ANKHD1: variants seen among roughly 807,000 people sequenced by gnomAD.
ANKHD1 encodes the protein ankyrin repeat and KH domain containing 1, also known as ankyrin repeat and KH domain-containing protein 1.
In ANKHD1, 31 loss-of-function variants were observed where a neutral mutation model predicts 230.5. The observed-to-expected ratio is 0.13, with a 90% CI of 0.10 to 0.18. ANKHD1 has a LOEUF of 0.18. Ranked by LOEUF, ANKHD1 falls within the 10% of genes least tolerant of loss-of-function variation. The probability of loss-of-function intolerance (pLI) is 1.00; values close to 1 mark genes in which losing one functional copy is unlikely to be tolerated. For synonymous variants in ANKHD1, 1,074 were observed against 1,117.6 expected, an observed-to-expected ratio of 0.96 and a Z score of 0.78; for missense variants, 2,256 against 3,071.3, an observed-to-expected ratio of 0.73 and a Z score of 6.27.
At chr5:140,494,091 T>C (rs1286422009) in intron 14 of ANKHD1, among the ~76,000 whole-genome samples, 1 of 152,220 alleles carries the variant, frequency 6.6e-6, no homozygotes, top group Non-Finnish European at 1.5e-5. Flanking sequence ...GTAGAACTTC[T>C]AAATGTACTC....
In ANKHD1 at chr5:140,496,577, C is replaced by G; in HGVS notation, c.2303C>G (p.Ser768Cys). The change falls in exon 15 of 34, where the codon TCT (serine) becomes TGT (cysteine). Residue 768 changes from serine (S) to cysteine (C), a missense_variant. Physicochemically the swap from Ser to Cys is moderately radical, Grantham distance 112. Around this residue, in one of 13 missense-constraint regions of ANKHD1, gnomAD observed 358 missense variants for 397.7 expected, o/e 0.90. Coordinates refer to ENST00000360839, the MANE Select transcript of ANKHD1 (RefSeq NM_017747.3). ...GTAGCAGATCAGGACCTACTGCCAT[C>G]TTTTCACCCATACCAGCCTTTGGAG... is the stretch of plus-strand genomic sequence containing the variant. ...LQVADQDLLP[S>C]FHPYQPLECI... is the part of the protein sequence containing the mutation. The G allele has an allele frequency of 6.3e-7, 1 of 1,597,054 alleles. No individual in the cohort carries two copies. Among genetic ancestry groups the G allele is most frequent in the Non-Finnish European group, 8.5e-7 (1 of 1,172,248 alleles).
At chr5:140,475,120 C>T (rs1268176608) in intron 10 of ANKHD1, among the ~76,000 whole-genome samples, 1 of 152,138 alleles carries the variant, frequency 6.6e-6, no homozygotes, top group Non-Finnish European at 1.5e-5. Flanking sequence ...TGAATGAGTT[C>T]TTTTCAGCTC....
intron 1 of ANKHD1, among the ~76,000 whole-genome samples, chr5:140,404,937 T>C (rs1770296397): frequency 6.6e-6 from 1 of 150,562 alleles, no homozygotes; most frequent in South Asian, 2.1e-4. Flanking sequence ...AGTCATAAAT[T>C]TGTCTCTCTC....
At chr5:140,427,154 C>A (rs1232764725) in intron 1 of ANKHD1, among the ~76,000 whole-genome samples, 1 of 150,578 alleles carries the variant, frequency 6.6e-6, no homozygotes, top group African/African-American at 2.4e-5. Flanking sequence ...GGCTGACCCC[C>A]CCCACCTCCC....
At chr5:140,435,535 C>T (rs1014213641) in intron 1 of ANKHD1, among the ~76,000 whole-genome samples, 23 of 151,740 alleles carry the variant, frequency 1.5e-4, no homozygotes, top group Admixed American at 9.9e-4. Flanking sequence ...CACCTCACCA[C>T]GCCCGGCTAA....
chr5:140,506,075 T>TC lies in ANKHD1; in HGVS notation c.3408+208dup, dbSNP rs551960787. On this transcript the variant is annotated intron_variant, in intron 18 of 33. Transcript: ENST00000360839. This position sits in a 1 kb window ranked among gnomAD's most constrained non-coding sequence, Gnocchi z 4.7. ...ACCTTGAACTCTGGGGCTCAAGCAA[T>TC]CCTCAGCCTCCCAAGTAGCTAGGGC... 2.3e-3 allele frequency among the ~76,000 whole-genome samples: 343 copies of TC among 152,248 alleles called. No individual in the cohort carries two copies. Among genetic ancestry groups the TC allele is most frequent in the Non-Finnish European group, 4.2e-3 (286 of 68,020 alleles).
At chr5:140,432,474 G>C (rs1773121378) in intron 1 of ANKHD1, among the ~76,000 whole-genome samples, 1 of 152,150 alleles carries the variant, frequency 6.6e-6, no homozygotes, top group Admixed American at 6.5e-5. Flanking sequence ...TTCATCTACT[G>C]ATGGACATTT....
chr5:140,428,987 T>G (rs1230893120), intron 1 of ANKHD1, among the ~76,000 whole-genome samples: 1 of 151,940 alleles, frequency 6.6e-6, no homozygotes, highest in East Asian at 1.9e-4. Flanking sequence ...GGTTTCACCA[T>G]GTTGGCCAGG....
intron 1 of ANKHD1, among the ~76,000 whole-genome samples, chr5:140,414,598 G>A (rs750013696): frequency 1.3e-4 from 20 of 152,150 alleles, no homozygotes; most frequent in Non-Finnish European, 2.5e-4. Flanking sequence ...TTGGGAGGCT[G>A]AGGCAGAAAG....
intron 10 of ANKHD1, among the ~76,000 whole-genome samples, chr5:140,465,981 C>T (rs925561053): frequency 2.6e-5 from 4 of 152,112 alleles, no homozygotes; most frequent in Admixed American, 2.6e-4. Flanking sequence ...AACTTAAAAG[C>T]TTAGATAATA....
chr5:140,470,345 A>ATT (rs747520769), intron 10 of ANKHD1, among the ~76,000 whole-genome samples: 2 of 142,594 alleles, frequency 1.4e-5, no homozygotes, highest in Non-Finnish European at 1.5e-5. Context: ...AATTTTTAAA[A>ATT]TTTTTTTTTT....
Position 140,510,107 on chromosome 5 carries a change from C to G in ANKHD1, c.4030C>G (p.Leu1344Val). The G allele has an allele frequency of 6.2e-7, 1 of 1,614,054 alleles. No homozygotes were observed. The highest frequency in any genetic ancestry group is 8.5e-7 in the Non-Finnish European group (1 of 1,179,982). Residue 1344 changes from leucine (L) to valine (V), a missense_variant, in exon 22 of 34, where the codon CTA (leucine) becomes GTA (valine). Leu to Val is a conservative substitution (Grantham distance 32). Transcript: ENST00000360839. ...NGGHFDVVQL[L>V]VQAGADVDAA... ...AGGTCATTTTGATGTTGTGCAGTTG[C>G]TAGTGCAAGCAGGTGCTGATGTGGA...
chr5:140,514,803 T>G (rs1385212166), intron 24 of ANKHD1, among the ~76,000 whole-genome samples: 1 of 152,024 alleles, frequency 6.6e-6, no homozygotes, highest in Non-Finnish European at 1.5e-5. Context: ...AGACCTTGCC[T>G]CTACTAAAAG....
At chr5:140,451,852 A>G (rs527609975) in intron 7 of ANKHD1, among the ~76,000 whole-genome samples, 161 of 152,124 alleles carry the variant, frequency 1.1e-3, no homozygotes, top group African/African-American at 3.8e-3. Flanking sequence ...TTTTCTACTC[A>G]GTATTTATTT....
chr5:140,449,962 C>T (rs1774584539), intron 7 of ANKHD1, among the ~76,000 whole-genome samples: 1 of 152,034 alleles, frequency 6.6e-6, no homozygotes, highest in Non-Finnish European at 1.5e-5. Context: ...TAGAATCATA[C>T]TTTTAATATA....
chr5:140,479,971 T>TA (rs1169465367), intron 10 of ANKHD1, among the ~76,000 whole-genome samples: 3 of 149,494 alleles, frequency 2.0e-5, no homozygotes, highest in African/African-American at 7.3e-5. Flanking sequence ...CATATATAGA[T>TA]ATATTATTAT....
chr5:140,416,358 G>A (rs1001749237), intron 1 of ANKHD1, among the ~76,000 whole-genome samples: 1 of 152,138 alleles, frequency 6.6e-6, no homozygotes, highest in African/African-American at 2.4e-5. Context: ...TTGAGGAATC[G>A]CCAAGTTAAT....
chr5:140,422,792 G>A (rs77187889), intron 1 of ANKHD1, among the ~76,000 whole-genome samples: 8,241 of 144,654 alleles, frequency 0.057, 286 homozygotes, highest in Middle Eastern at 0.12. Context: ...CCTGGGTGAC[G>A]GAGCAAGACT....
At chr5:140,445,458 C>T (rs112405209) in intron 5 of ANKHD1, among the ~76,000 whole-genome samples, 4 of 152,012 alleles carry the variant, frequency 2.6e-5, no homozygotes, top group South Asian at 4.1e-4. Flanking sequence ...GAGCCAAGAT[C>T]GTGCCATTGC....
Sources: allele counts gnomAD v4.1 joint callset (sites outside exome capture counted in the v4.1 genomes callset), GRCh38; gene constraint gnomAD v4.1.1; regional missense constraint gnomAD v4.1.1; non-coding constraint Gnocchi (gnomAD v3.1); transcripts MANE v1.5; gene names NCBI Gene and HGNC (gene_info 2026-07-23, HGNC 2026-07-21).